The following SERPINB1 variants were observed in gnomAD, a reference collection of about 807,000 sequenced individuals.
The protein encoded by SERPINB1 is serpin family B member 1.
SERPINB1 carries 23 observed loss-of-function variants against 25.9 expected under a neutral mutation model. That is an observed-to-expected ratio of 0.89 (90% confidence interval 0.64 to 1.26). The LOEUF (loss-of-function observed/expected upper bound fraction) is 1.26, where lower values mean the gene tolerates loss of function less well. Among genes scored for constraint, SERPINB1 ranks in the 50% most tolerant of loss-of-function variants. The probability of loss-of-function intolerance (pLI) is 0.00; values close to 1 mark genes in which losing one functional copy is unlikely to be tolerated. For synonymous variants in SERPINB1, 178 were observed against 178.7 expected (o/e 1.00, Z 0.03); for missense variants, 399 against 463.6 (o/e 0.86, Z 1.28).
chr6:2,838,424 T>G, intron 3 of SERPINB1, 125 bp downstream of exon 3: 1 of 904,044 alleles, frequency 1.1e-6, no homozygotes, highest in Non-Finnish European at 1.5e-6. Flanking sequence ...TTTTGCCATG[T>G]TTGCCTTCTG....
At chr6:2,835,263 G>GT (rs150469171) in intron 6 of SERPINB1, among the ~76,000 whole-genome samples, 3,131 of 152,194 alleles carry the variant, frequency 0.021, 31 homozygotes, top group Middle Eastern at 0.044. Flanking sequence ...TTTCTGTCTT[G>GT]TACCCATTGA....
Position 2,832,911 on chromosome 6 carries a change from A to G in SERPINB1, c.*697T>C, listed in dbSNP as rs1766377311. 6.6e-6 allele frequency: 1 copy of G among 152,230 alleles called. No homozygotes were observed. The highest frequency in any genetic ancestry group is 2.4e-5 in the African/African-American group (1 of 41,446). 9.4% of individuals were successfully genotyped at this position (152,230 alleles called of 1,614,324 possible). ...TTTGTTCAGCAGTTTATCTTACTACATGGTTATTTTTGTAGACTCTTGGTA... is the reference window on the plus strand; with the variant it reads ...TTTGTTCAGCAGTTTATCTTACTACGTGGTTATTTTTGTAGACTCTTGGTA... On this transcript the variant is annotated 3_prime_UTR_variant, in exon 7 of 7. Transcript: ENST00000380739.
At chr6:2,838,788 A>C in intron 2 of SERPINB1, 102 bp from the exon 3 acceptor site, 1 of 952,598 alleles carries the variant, frequency 1.0e-6, no homozygotes, top group East Asian at 3.0e-5. Flanking sequence ...TGTTTTTATT[A>C]CTAATTATTG....
chr6:2,835,147 T>C (rs1411164892), intron 6 of SERPINB1, among the ~76,000 whole-genome samples: 1 of 152,164 alleles, frequency 6.6e-6, no homozygotes, highest in Admixed American at 6.5e-5. Context: ...AATAGGTGGA[T>C]AGGGAGGAGA....
chr6:2,834,053 T>G (rs756096339), intron 6 of SERPINB1, 41 bp from the exon 7 acceptor site: 4 of 1,519,064 alleles, frequency 2.6e-6, no homozygotes, highest in Non-Finnish European at 3.5e-6. Context: ...TGATATCAAT[T>G]TTACATAAGT....
intron 3 of SERPINB1, among the ~76,000 whole-genome samples, 196 bp downstream of exon 3, chr6:2,838,353 T>A (rs115055630): frequency 2.0e-4 from 31 of 152,346 alleles, no homozygotes; most frequent in Non-Finnish European, 3.2e-4. Flanking sequence ...AAAAAGACTG[T>A]AACACAAAAT....
At position 2,832,363 on chromosome 6, in the gene SERPINB1, T is replaced by C. The variant is rs977626673; in HGVS notation, c.*1245A>G. On this transcript the variant is annotated 3_prime_UTR_variant, in exon 7 of 7. Coordinates refer to ENST00000380739, the MANE Select transcript of SERPINB1 (RefSeq NM_030666.4). Reference sequence around the variant, plus strand: ...GCAGAATCCTAGGACGTTTTATTAATTCATGATGCCCACTATCCTTGTGGG... The same window carrying C: ...GCAGAATCCTAGGACGTTTTATTAACTCATGATGCCCACTATCCTTGTGGG... 6.6e-6 allele frequency: 1 copy of C among 152,200 alleles called. No individual in the cohort carries two copies. The highest frequency in any genetic ancestry group is 2.4e-5 in the African/African-American group (1 of 41,448). 9.4% of individuals were successfully genotyped at this position (152,200 alleles called of 1,614,324 possible).
At position 2,837,948 on chromosome 6, in the gene SERPINB1, CCA is replaced by C; in HGVS notation, c.356_357del (p.Val119GlyfsTer7). 1 of 1,614,116 alleles carries C rather than the reference CCA, an allele frequency of 6.2e-7. No individual in the cohort carries two copies. Among genetic ancestry groups the C allele is most frequent in the Non-Finnish European group, 8.5e-7 (1 of 1,180,024 alleles). On this transcript the variant is annotated frameshift_variant, in exon 4 of 7. Transcript: ENST00000380739. LOFTEE classifies it high-confidence loss of function. This position sits in a 1 kb window ranked among gnomAD's most constrained non-coding sequence, Gnocchi z 4.3. Reference protein sequence around the residue: ...QKTYGADLASVDFQHASEDAR... With the variant: ...QKTYGADLASXDFQHASEDAR... ...GCATCTTCAGAGGCATGCTGAAAAT[CCA>C]CACTGGCCAGGTCAGCACCATATGT...
rs75490931 is a variant in SERPINB1 at position 2,838,537 on chromosome 6, C to T, written c.306+12G>A. 2.0e-3 allele frequency: 3,212 copies of T among 1,582,372 alleles called. 6 individuals carry two copies. Among genetic ancestry groups the T allele is most frequent in the Middle Eastern group, 3.0e-3 (18 of 5,966 alleles). On this transcript the variant is annotated intron_variant, in intron 3 of 6. Transcript: ENST00000380739. ...TAGTGGGGTTTTAGAATGTGAAGGGCAAAGTACTTACAGGAAGGAAATTGT... is the reference window on the plus strand; with the variant it reads ...TAGTGGGGTTTTAGAATGTGAAGGGTAAAGTACTTACAGGAAGGAAATTGT...
chr6:2,836,197 C>G lies in SERPINB1; in HGVS notation c.478G>C (p.Val160Leu). ...TTGAAATAGATGGCATTTACTAGCA[C>G]AAGTTTGGTCATGTTATCAACCATG... ...SGMVDNMTKL[V>L]LVNAIYFKGN... Residue 160 changes from valine to leucine, a missense_variant, in exon 5 of 7, where the codon GTG (valine) becomes CTG (leucine). Val to Leu is a conservative substitution (Grantham distance 32). Coordinates refer to ENST00000380739, the MANE Select transcript of SERPINB1 (RefSeq NM_030666.4). 3.1e-6 allele frequency: 5 copies of G among 1,613,716 alleles called. No homozygotes were observed. The highest frequency in any genetic ancestry group is 1.1e-5 in the South Asian group (1 of 90,970).
chr6:2,840,285 C>A (rs1766608456), intron 2 of SERPINB1, 134 bp downstream of exon 2: 12 of 1,080,138 alleles, frequency 1.1e-5, no homozygotes, highest in Admixed American at 2.7e-5. Context: ...TGTGACTTTT[C>A]TGAAAGTCTG....
At chr6:2,835,728 G>T in intron 6 of SERPINB1, 128 bp downstream of exon 6, 2 of 1,042,416 alleles carry the variant, frequency 1.9e-6, no homozygotes, top group Non-Finnish European at 2.8e-6. Flanking sequence ...GTGTTGATGG[G>T]CTACATTTAC....
Position 2,841,152 on chromosome 6 carries a change from A to G in SERPINB1, c.-8-558T>C, listed in dbSNP as rs745775850. 7 of 152,244 alleles carry G rather than the reference A, an allele frequency of 4.6e-5. No individual in the cohort carries two copies. The highest frequency in any genetic ancestry group is 7.2e-5 in the African/African-American group (3 of 41,456). The allele number at this position is 152,244 out of a possible 1,614,324, so 9.4% of individuals were successfully genotyped here. ...TTCTTCCTTATTTTTGAGGTTCAAA[A>G]GGTATGAGGTCCAGTGCCCACAGTC... is the stretch of plus-strand genomic sequence containing the variant. On this transcript the variant is annotated intron_variant, in intron 1 of 6. Transcript: ENST00000380739. This position sits in a 1 kb window ranked among gnomAD's most constrained non-coding sequence, Gnocchi z 4.5.
At chr6:2,836,505 G>A (rs923794905) in intron 4 of SERPINB1, among the ~76,000 whole-genome samples, 32 of 151,936 alleles carry the variant, frequency 2.1e-4, no homozygotes, top group Middle Eastern at 3.2e-3. Context: ...CAAATGTGCC[G>A]AAAGACAAAA....
intron 6 of SERPINB1, among the ~76,000 whole-genome samples, chr6:2,835,509 T>C (rs1766462044): frequency 6.6e-6 from 1 of 152,116 alleles, no homozygotes; most frequent in Non-Finnish European, 1.5e-5. Context: ...CCATCACAAG[T>C]GTCCACTGAA....
In SERPINB1 at chr6:2,835,981, A is replaced by T. The variant is rs372251612; in HGVS notation, c.610T>A (p.Phe204Ile). Residue 204 changes from phenylalanine (F) to isoleucine (I), a missense_variant, in exon 6 of 7, where the codon TTT becomes ATT. By Grantham distance (21) the Phe-to-Ile change is conservative. Coordinates refer to ENST00000380739, the MANE Select transcript of SERPINB1 (RefSeq NM_030666.4). ...AGGTCCTCGATGTAGCCATATGCAA[A>T]TTTTTTCTTCTGATACATCATTTTC... is the stretch of plus-strand genomic sequence containing the variant. ...TVKMMYQKKK[F>I]AYGYIEDLKC... 2.3e-5 allele frequency: 37 copies of T among 1,613,864 alleles called. No individual in the cohort carries two copies. The highest frequency in any genetic ancestry group is 2.5e-5 in the Non-Finnish European group (29 of 1,180,024).
Position 2,833,934 on chromosome 6 carries a change from T to C in SERPINB1, c.814A>G (p.Ser272Gly), listed in dbSNP as rs143759561. ...TCTTCCAGTTTGAACCTGGGCAAGC[T>C]GACATTAACTTCAATGAAATCGAGA... ...ENLDFIEVNVSLPRFKLEESY... is the reference protein window; with the variant it reads ...ENLDFIEVNVGLPRFKLEESY... The change falls in exon 7 of 7, where the codon AGC becomes GGC. Residue 272 changes from serine to glycine, a missense_variant. Ser to Gly is a moderately conservative substitution (Grantham distance 56). Coordinates refer to ENST00000380739, the MANE Select transcript of SERPINB1 (RefSeq NM_030666.4). 65 of 1,613,974 alleles carry C rather than the reference T, an allele frequency of 4.0e-5. No individual in the cohort carries two copies. The highest frequency in any genetic ancestry group is 8.3e-5 in the Admixed American group (5 of 59,988).
rs1766477174 is a variant in SERPINB1, at chr6:2,835,937, T to C, written c.654A>G (p.Glu218=). 7 of 1,614,070 alleles carry C rather than the reference T, an allele frequency of 4.3e-6. No individual in the cohort carries two copies. The African/African-American group carries it at 9.3e-5, about 22-fold the overall frequency. The change falls in exon 6 of 7, where the codon GAA becomes GAG. Residue 218 remains glutamate, a synonymous_variant. Transcript: ENST00000380739. ...YIEDLKCRVL[E]LPYQGEELSM... ...TGAGCTCCTCGCCTTGGTAAGGCAGTTCCAGCACACGGCACTTAAGGTCCT... is the reference window on the plus strand; with the variant it reads ...TGAGCTCCTCGCCTTGGTAAGGCAGCTCCAGCACACGGCACTTAAGGTCCT...
At position 2,841,811 on chromosome 6, in the gene SERPINB1, C is replaced by G. The variant is rs1766667555; in HGVS notation, c.-9+1G>C. 1 of 152,356 alleles carries G rather than the reference C, an allele frequency of 6.6e-6. No homozygotes were observed. The highest frequency in any genetic ancestry group is 1.5e-5 in the Non-Finnish European group (1 of 68,152). The allele number at this position is 152,356 out of a possible 1,614,324, so 9.4% of individuals were successfully genotyped here. On this transcript the variant is annotated splice_donor_variant, in intron 1 of 6. Coordinates refer to ENST00000380739, the MANE Select transcript of SERPINB1 (RefSeq NM_030666.4). LOFTEE classifies it low-confidence loss of function (5UTR_SPLICE). This position sits in a 1 kb window ranked among gnomAD's most constrained non-coding sequence, Gnocchi z 4.5. Reference sequence around the variant, plus strand: ...GCCACCGCTCCGAGGCCCGGCCTTACCCGACAGGCCGCCGAGGCACGCTCC... The same window carrying G: ...GCCACCGCTCCGAGGCCCGGCCTTAGCCGACAGGCCGCCGAGGCACGCTCC...
Sources: gnomAD v4.1 joint callset for allele counts (sites outside exome capture counted in the v4.1 genomes callset) on GRCh38, gnomAD v4.1.1 for gene constraint, Gnocchi (gnomAD v3.1) non-coding constraint, MANE v1.5 for transcripts, NCBI Gene and HGNC (gene_info 2026-07-23, HGNC 2026-07-21) for gene names.